Variants in DAB1 observed in about 807,000 individuals in gnomAD.
The protein encoded by DAB1 is disabled homolog 1.
In DAB1, 15 loss-of-function variants were observed where a neutral mutation model predicts 64.6. That is an observed-to-expected ratio of 0.23 (90% CI 0.16 to 0.36). The LOEUF (loss-of-function observed/expected upper bound fraction) is 0.36, where lower values mean the gene tolerates loss of function less well. Ranked by LOEUF, DAB1 falls within the 10% of genes least tolerant of loss-of-function variation. DAB1 has a pLI of 1.00. For missense variants in DAB1, 596 were observed against 706.7 expected, an observed-to-expected ratio of 0.84 and a Z score of 1.78; for synonymous variants, 235 against 251.9, an observed-to-expected ratio of 0.93 and a Z score of 0.64.
intron 7 of DAB1, among the ~76,000 whole-genome samples, chr1:57,525,623 G>T (rs528495408): frequency 6.6e-6 from 1 of 152,146 alleles, no homozygotes; most frequent in Admixed American, 6.5e-5. Context: ...TGGAGAAGTG[G>T]GGATAGTGAT....
chr1:58,485,212 TAA>T (rs1435202208), intron 3 of DAB1, among the ~76,000 whole-genome samples: 5 of 9,280 alleles, frequency 5.4e-4, no homozygotes, highest in South Asian at 2.8e-3. Flanking sequence ...AGTCTAAAAA[TAA>T]AAGAGTCTAC....
chr1:58,269,337 C>A (rs1221353770), intron 4 of DAB1, among the ~76,000 whole-genome samples: 3 of 151,434 alleles, frequency 2.0e-5, no homozygotes, highest in South Asian at 4.2e-4. Context: ...CTACAAAGGA[C>A]ATGAACTCAT....
At chr1:57,618,773 T>A (rs182351647) in intron 7 of DAB1, among the ~76,000 whole-genome samples, 1 of 152,108 alleles carries the variant, frequency 6.6e-6, no homozygotes, top group South Asian at 2.1e-4. Flanking sequence ...AGCATATACA[T>A]ACACATGTAT....
chr1:57,383,094 G>A (rs532744606), intron 1 of DAB1, among the ~76,000 whole-genome samples: 3 of 152,022 alleles, frequency 2.0e-5, no homozygotes, highest in Non-Finnish European at 4.4e-5. Flanking sequence ...CTTGGGGGTT[G>A]GACTGTAGTG....
rs114724075 is a variant in DAB1 at position 57,807,688 on chromosome 1, T to G, written n.551+76311A>C. On this transcript the variant is annotated intron_variant and non_coding_transcript_variant, in intron 6 of 20. Transcript: ENST00000485760. ...ATACCTACAATTTATATTAAAAATT[T>G]TTTTTCAATAAAAGTTACACTGAGT... is the stretch of plus-strand genomic sequence containing the variant. Among the ~76,000 whole-genome samples, 1,401 of 152,244 alleles carry G rather than the reference T, an allele frequency of 9.2e-3. 14 individuals are homozygous for G. The highest frequency in any genetic ancestry group is 0.033 in the African/African-American group (1,351 of 41,536).
At chr1:58,051,263 T>G (rs995293145) in intron 5 of DAB1, among the ~76,000 whole-genome samples, 2 of 151,858 alleles carry the variant, frequency 1.3e-5, no homozygotes, top group East Asian at 3.9e-4. Context: ...GTGATCTCAT[T>G]GTTCAAGTCC....
chr1:57,933,869 T>C (rs1446232908), intron 5 of DAB1, among the ~76,000 whole-genome samples: 1 of 151,830 alleles, frequency 6.6e-6, no homozygotes, highest in African/African-American at 2.4e-5. Flanking sequence ...ACAGTCCATA[T>C]CCTTGAAAAT....
chr1:58,058,697 C>G (rs1369011488), intron 5 of DAB1, among the ~76,000 whole-genome samples: 1 of 152,194 alleles, frequency 6.6e-6, no homozygotes, highest in East Asian at 1.9e-4. Flanking sequence ...AAAATCTCAT[C>G]ACAGAAAGAT....
rs545150410 is a variant in DAB1, at chr1:57,109,934, C to A, written c.306+26609G>T. ...ATCATGGCTAGATCAATGCATGTTA[C>A]CTCCCAGGGAAGCAGAAATTTACCA... is the stretch of plus-strand genomic sequence containing the variant. On this transcript the variant is annotated intron_variant, in intron 4 of 14. Coordinates refer to ENST00000371236, the MANE Select transcript of DAB1 (RefSeq NM_001365792.1). 4.6e-5 allele frequency among the ~76,000 whole-genome samples: 7 copies of A among 152,234 alleles called. No individual in the cohort carries two copies. In the South Asian group the frequency reaches 1.2e-3, roughly 27 times the overall value.
intron 5 of DAB1, among the ~76,000 whole-genome samples, chr1:57,997,871 A>G (rs1646450029): frequency 6.6e-6 from 1 of 151,870 alleles, no homozygotes; most frequent in South Asian, 2.1e-4. Flanking sequence ...GCCAGCCACT[A>G]TACTAGATAG....
intron 7 of DAB1, among the ~76,000 whole-genome samples, chr1:57,629,895 G>C (rs1645967934): frequency 6.6e-6 from 1 of 151,750 alleles, no homozygotes; most frequent in South Asian, 2.1e-4. Flanking sequence ...CAGTTCAAAT[G>C]AAATGCATTC....
intron 7 of DAB1, among the ~76,000 whole-genome samples, chr1:57,471,825 A>G (rs1187893691): frequency 1.3e-5 from 2 of 152,236 alleles, no homozygotes; most frequent in African/African-American, 4.8e-5. Flanking sequence ...CAAAATTGTC[A>G]TATATCTGTA....
intron 1 of DAB1, among the ~76,000 whole-genome samples, chr1:57,850,410 G>C (rs749988362): frequency 2.0e-5 from 3 of 151,740 alleles, no homozygotes; most frequent in Non-Finnish European, 4.4e-5. Flanking sequence ...AAGGCGCAGA[G>C]GTGAGATTTA....
At chr1:58,373,064 C>G (rs61779007) in intron 3 of DAB1, among the ~76,000 whole-genome samples, 14,170 of 151,880 alleles carry the variant, frequency 0.093, 671 homozygotes, top group Middle Eastern at 0.13. Flanking sequence ...AGGAGTATTT[C>G]TTACTACTTT....
At chr1:57,981,721 T>C (rs570744290) in intron 5 of DAB1, among the ~76,000 whole-genome samples, 61 of 152,300 alleles carry the variant, frequency 4.0e-4, no homozygotes, top group South Asian at 1.2e-3. Flanking sequence ...TTGTCCTCCA[T>C]CTCTGTTGTC....
At chr1:57,070,071 G>A (rs891069732) in intron 7 of DAB1, among the ~76,000 whole-genome samples, 4 of 152,154 alleles carry the variant, frequency 2.6e-5, no homozygotes, top group Admixed American at 2.0e-4. Context: ...TAAAGCAAGA[G>A]CACGTCATTA....
chr1:57,006,300 T>C (rs1249373222), intron 14 of DAB1, among the ~76,000 whole-genome samples: 1 of 152,228 alleles, frequency 6.6e-6, no homozygotes, highest in Non-Finnish European at 1.5e-5. Context: ...CTTGGAAGTC[T>C]CATGGGCACC....
intron 3 of DAB1, among the ~76,000 whole-genome samples, chr1:58,432,905 C>T (rs1008700937): frequency 2.0e-5 from 3 of 152,232 alleles, no homozygotes; most frequent in Admixed American, 1.3e-4. Context: ...GCCCCCTTCA[C>T]GTGACGACAT....
intron 7 of DAB1, among the ~76,000 whole-genome samples, chr1:57,463,525 C>T (rs929840841): frequency 6.6e-6 from 1 of 152,072 alleles, no homozygotes; most frequent in Non-Finnish European, 1.5e-5. Context: ...GGGAAGATCC[C>T]TAGGATGAGT....
Sources: allele counts gnomAD v4.1 joint callset (sites outside exome capture counted in the v4.1 genomes callset), GRCh38; gene constraint gnomAD v4.1.1; transcripts MANE v1.5; gene names NCBI Gene and HGNC (gene_info 2026-07-23, HGNC 2026-07-21).